The following MEIS2 variants were observed in gnomAD, a reference collection of about 807,000 sequenced individuals.
The protein encoded by MEIS2 is Meis homeobox 2.
Under a neutral mutation model 58.6 loss-of-function variants are expected in MEIS2, and 9 were observed. The ratio of observed to expected loss-of-function variants is 0.15; its 90% CI spans 0.09 to 0.27. The LOEUF is 0.27. MEIS2 is among the 10% of genes least tolerant of loss of function. The probability of loss-of-function intolerance (pLI) is 1.00; values close to 1 mark genes in which losing one functional copy is unlikely to be tolerated. For missense variants in MEIS2, 427 were observed against 635.0 expected, an observed-to-expected ratio of 0.67 and a Z score of 3.52; for synonymous variants, 221 against 228.4, an observed-to-expected ratio of 0.97 and a Z score of 0.29.
chr15:36,911,658 C>T (rs998950969), intron 9 of MEIS2, among the ~76,000 whole-genome samples: 1 of 152,174 alleles, frequency 6.6e-6, no homozygotes, highest in African/African-American at 2.4e-5. Context: ...CTCTGAACCT[C>T]GCTGTCCCGA....
At chr15:36,922,406 G>GTT (rs11377842) in intron 9 of MEIS2, among the ~76,000 whole-genome samples, 7 of 151,708 alleles carry the variant, frequency 4.6e-5, no homozygotes, top group Middle Eastern at 3.4e-3. Context: ...GAATCAAAAG[G>GTT]TTTTTTTGTG....
intron 7 of MEIS2, among the ~76,000 whole-genome samples, chr15:37,051,814 G>A (rs1228465373): frequency 6.6e-6 from 1 of 152,100 alleles, no homozygotes; most frequent in Non-Finnish European, 1.5e-5. Flanking sequence ...GTGAGGAGAA[G>A]CTCAACATAA....
At chr15:36,908,853 C>T (rs2056868675) in intron 9 of MEIS2, among the ~76,000 whole-genome samples, 1 of 151,970 alleles carries the variant, frequency 6.6e-6, no homozygotes, top group Non-Finnish European at 1.5e-5. Flanking sequence ...GCAGGAGAAT[C>T]GCTTGAACCT....
intron 7 of MEIS2, among the ~76,000 whole-genome samples, chr15:37,037,845 T>A (rs2062228346): frequency 6.6e-6 from 1 of 152,180 alleles, no homozygotes; most frequent in African/African-American, 2.4e-5. Flanking sequence ...CAGCAATATA[T>A]GCCATATCCC....
chr15:36,949,274 TA>T (rs2058675087), intron 9 of MEIS2, among the ~76,000 whole-genome samples: 1 of 151,838 alleles, frequency 6.6e-6, no homozygotes, highest in Non-Finnish European at 1.5e-5. Context: ...ATTGTGATCC[TA>T]GAAAAATGAG....
chr15:37,008,410 GAGTAAA>G (rs1474331543), intron 8 of MEIS2, among the ~76,000 whole-genome samples: 8 of 152,178 alleles, frequency 5.3e-5, no homozygotes, highest in Non-Finnish European at 1.2e-4. Context: ...GAGTGTAGGT[GAGTAAA>G]AGCCAGCAAA....
intron 9 of MEIS2, among the ~76,000 whole-genome samples, chr15:36,939,757 G>C (rs960157190): frequency 3.3e-5 from 5 of 152,100 alleles, no homozygotes; most frequent in Non-Finnish European, 5.9e-5. Context: ...TACTGCCTGG[G>C]CTGGAAATTT....
chr15:36,964,178 A>G (rs2059282624), intron 8 of MEIS2, among the ~76,000 whole-genome samples: 1 of 152,252 alleles, frequency 6.6e-6, no homozygotes, highest in Admixed American at 6.5e-5. Flanking sequence ...CTTTATGAAC[A>G]AATCTAGATG....
At chr15:36,945,086 T>C (rs966460612) in intron 9 of MEIS2, among the ~76,000 whole-genome samples, 3 of 152,088 alleles carry the variant, frequency 2.0e-5, no homozygotes, top group African/African-American at 7.2e-5. Flanking sequence ...GAAAATGACT[T>C]TTCTTTGCTG....
rs189099333 is a variant in MEIS2, at chr15:37,057,062, T to C, written c.755-20103A>G. The stretch of plus-strand genomic sequence containing the variant: ...CTAATGTGAATTCCCAGCCTGTTCA[T>C]GAGGAAACTCCCCGGGTTCCTCATT... On this transcript the variant is annotated intron_variant, in intron 7 of 11. Transcript: ENST00000561208. Among the ~76,000 whole-genome samples the C allele has an allele frequency of 1.2e-4, 18 of 152,370 alleles. No homozygotes were observed. In the East Asian group the frequency reaches 3.3e-3, roughly 28 times the overall value.
chr15:37,049,538 G>C (rs1161497126), intron 7 of MEIS2, among the ~76,000 whole-genome samples: 2 of 151,904 alleles, frequency 1.3e-5, no homozygotes, highest in Non-Finnish European at 2.9e-5. Flanking sequence ...CCAGGCCGGA[G>C]TGTAGTGGCT....
intron 7 of MEIS2, among the ~76,000 whole-genome samples, chr15:37,055,067 A>G (rs115787804): frequency 0.016 from 2,437 of 152,262 alleles, 59 homozygotes; most frequent in African/African-American, 0.056. Flanking sequence ...AATTTGCCCA[A>G]GGTCTTATAG....
intron 1 of MEIS2, 79 bp from the exon 2 acceptor site, chr15:37,098,278 A>AG (rs1894577216): frequency 7.1e-7 from 1 of 1,412,160 alleles, no homozygotes; most frequent in Non-Finnish European, 9.4e-7. Context: ...GAAAAAGAGC[A>AG]GGGAGAAGAG....
At chr15:37,066,420 T>C (rs1052287349) in intron 7 of MEIS2, 1 of 152,092 alleles carries the variant, frequency 6.6e-6, no homozygotes, top group East Asian at 1.9e-4. Flanking sequence ...AACAAGAAAA[T>C]TTTAAATGGC....
intron 8 of MEIS2, among the ~76,000 whole-genome samples, chr15:36,992,729 C>T (rs1017735376): frequency 1.3e-5 from 2 of 149,894 alleles, no homozygotes; most frequent in African/African-American, 4.9e-5. Context: ...AGCAAATACT[C>T]GTGAAATTAG....
At chr15:36,955,451 A>T (rs1310458465) in intron 8 of MEIS2, among the ~76,000 whole-genome samples, 1 of 152,214 alleles carries the variant, frequency 6.6e-6, no homozygotes, top group Non-Finnish European at 1.5e-5. Context: ...ATTTGTAGAA[A>T]GAATGAAAAA....
intron 7 of MEIS2, among the ~76,000 whole-genome samples, chr15:37,073,115 T>C (rs979284558): frequency 2.6e-5 from 4 of 152,102 alleles, no homozygotes; most frequent in African/African-American, 9.7e-5. Context: ...GAGAATAATT[T>C]TGGGGCTCCA....
At chr15:36,983,322 G>A (rs1176926851) in intron 8 of MEIS2, among the ~76,000 whole-genome samples, 1 of 151,978 alleles carries the variant, frequency 6.6e-6, no homozygotes, top group Non-Finnish European at 1.5e-5. Flanking sequence ...GCTGCTTTTT[G>A]TATATGTTAT....
intron 9 of MEIS2, among the ~76,000 whole-genome samples, chr15:36,909,179 C>T (rs2056884513): frequency 6.6e-6 from 1 of 152,110 alleles, no homozygotes; most frequent in Admixed American, 6.6e-5. Context: ...ACAGAAATCT[C>T]TTTGAGGCAA....
Sources: allele counts gnomAD v4.1 joint callset (sites outside exome capture counted in the v4.1 genomes callset), GRCh38; gene constraint gnomAD v4.1.1; transcripts MANE v1.5; gene names NCBI Gene and HGNC (gene_info 2026-07-23, HGNC 2026-07-21).